Variants in OSBPL5 observed in about 807,000 individuals in gnomAD.
OSBPL5 encodes oxysterol binding protein like 5, also known as oxysterol-binding protein-related protein 5.
OSBPL5 carries 71 observed loss-of-function variants against 111.2 expected under a neutral mutation model. The ratio of observed to expected loss-of-function variants is 0.64; its 90% confidence interval spans 0.53 to 0.78. The LOEUF is 0.78. Among genes scored for constraint, OSBPL5 ranks in the 30% least tolerant of loss-of-function variants. OSBPL5 has a pLI of 0.00. For missense variants in OSBPL5, 1,210 were observed against 1,189.3 expected (o/e 1.02, Z -0.26); for synonymous variants, 549 against 513.9 (o/e 1.07, Z -0.93).
Position 3,141,135 on chromosome 11 carries a change from C to T in OSBPL5, c.-21-11966G>A, listed in dbSNP as rs1201291028. Among the ~76,000 whole-genome samples, 1 of 152,162 alleles carries T rather than the reference C, an allele frequency of 6.6e-6. No individual in the cohort carries two copies. On this transcript the variant is annotated intron_variant, in intron 1 of 21. Coordinates refer to ENST00000263650, the MANE Select transcript of OSBPL5 (RefSeq NM_020896.4). This position sits in a 1 kb window ranked among gnomAD's most constrained non-coding sequence, Gnocchi z 6.5. ...CAACGTCAACCCATAAAGCCTCATTCCAGGCAGTTTCGAGTGCTCTGATGC... is the reference window on the plus strand; with the variant it reads ...CAACGTCAACCCATAAAGCCTCATTTCAGGCAGTTTCGAGTGCTCTGATGC...
At position 3,110,155 on chromosome 11, in the gene OSBPL5, C is replaced by T. The variant is rs1320110354; in HGVS notation, c.692-2210G>A. ...GGTGATGTGGCACCGAGACTCCAAC[C>T]TGAGAGGCACCGGAGCCCCGTGGTC... is the stretch of plus-strand genomic sequence containing the variant. On this transcript the variant is annotated intron_variant, in intron 7 of 21. Transcript: ENST00000263650. The surrounding 1 kb of genome is among the most constrained non-coding windows in gnomAD (Gnocchi z 5.3). 6.6e-6 allele frequency among the ~76,000 whole-genome samples: 1 copy of T among 152,210 alleles called. No individual in the cohort carries two copies. The highest frequency in any genetic ancestry group is 2.4e-5 in the African/African-American group (1 of 41,450).
chr11:3,089,776 G>A (rs562485700), intron 21 of OSBPL5, 70 bp downstream of exon 21: 60 of 1,429,892 alleles, frequency 4.2e-5, no homozygotes, highest in Admixed American at 2.0e-4. Flanking sequence ...CCCACCTCCC[G>A]CCCTAGCTCT....
Position 3,103,131 on chromosome 11 carries a change from T to G in OSBPL5, c.1326+108A>C, listed in dbSNP as rs562182249. ...GGGTGACCAGGATCCTTCTAAGCCA[T>G]GTGGGGTAGGGGGTGGCCCGGGGAC... is the stretch of plus-strand genomic sequence containing the variant. On this transcript the variant is annotated intron_variant, in intron 11 of 21. Transcript: ENST00000263650. 3.0e-4 allele frequency: 279 copies of G among 941,794 alleles called. 2 individuals are homozygous for G. The South Asian group carries it at 4.6e-3, about 16-fold the overall frequency. The allele number at this position is 941,794 out of a possible 1,614,324, so 58.3% of individuals were successfully genotyped here. A position where few individuals can be genotyped will look rare whatever the true frequency, so the allele number is the denominator to read the frequency against.
At chr11:3,112,981 G>A (rs1858059553) in intron 7 of OSBPL5, among the ~76,000 whole-genome samples, 1 of 152,162 alleles carries the variant, frequency 6.6e-6, no homozygotes, top group Admixed American at 6.5e-5. Flanking sequence ...ATAAACCTAT[G>A]AGATGTACTT....
intron 1 of OSBPL5, among the ~76,000 whole-genome samples, chr11:3,131,887 A>ATCCATCCATCCACCCAT (rs1845815456): frequency 8.0e-6 from 1 of 124,804 alleles, no homozygotes; most frequent in African/African-American, 3.0e-5. Context: ...CCACCCATCC[A>ATCCATCCATCCACCCAT]CCCACCCTCC....
chr11:3,100,971 C>CTTTTTTT (rs1196891233), intron 13 of OSBPL5, among the ~76,000 whole-genome samples: 2 of 123,436 alleles, frequency 1.6e-5, no homozygotes, highest in Non-Finnish European at 3.4e-5. Flanking sequence ...AGTTTCATTT[C>CTTTTTTT]TTTTTTTTTT....
intron 19 of OSBPL5, among the ~76,000 whole-genome samples, chr11:3,091,530 G>A (rs1178146878): frequency 6.6e-6 from 1 of 152,254 alleles, no homozygotes; most frequent in East Asian, 1.9e-4. Flanking sequence ...CATTGGGGGT[G>A]GACATCTGCT....
chr11:3,118,570 A>ATTTTT (rs143316664), intron 7 of OSBPL5, among the ~76,000 whole-genome samples: 1 of 124,140 alleles, frequency 8.1e-6, no homozygotes, highest in African/African-American at 3.1e-5. Context: ...AAAATAAACT[A>ATTTTT]TTTTTTTTTT....
At chr11:3,100,628 T>A (rs1857419986) in intron 13 of OSBPL5, among the ~76,000 whole-genome samples, 1 of 152,086 alleles carries the variant, frequency 6.6e-6, no homozygotes, top group Non-Finnish European at 1.5e-5. Flanking sequence ...GAGTCGCAGG[T>A]ACTGCTGGTG....
At chr11:3,089,707 C>T (rs1431688972) in intron 21 of OSBPL5, 139 bp downstream of exon 21, 2 of 742,330 alleles carry the variant, frequency 2.7e-6, no homozygotes, top group Non-Finnish European at 4.6e-6. Flanking sequence ...CTTTCATCAC[C>T]CTGCAGGTCT....
Position 3,104,261 on chromosome 11 carries a change from G to C in OSBPL5, c.1176C>G (p.Phe392Leu), listed in dbSNP as rs763806853. 6.2e-6 allele frequency: 10 copies of C among 1,613,624 alleles called. No homozygotes were observed. In the Admixed American group the frequency reaches 1.2e-4, roughly 19 times the overall value. Residue 392 changes from phenylalanine (F) to leucine (L), a missense_variant, in exon 10 of 22, where the codon TTC becomes TTG. Coordinates refer to ENST00000263650, the MANE Select transcript of OSBPL5 (RefSeq NM_020896.4). The surrounding 1 kb of genome is among the most constrained non-coding windows in gnomAD (Gnocchi z 5.0). ...TCAGGAAGGAGCGCGGCTCCAGTACGAACGTGGGTAGCACCACGCGGGACA... is the reference window on the plus strand; with the variant it reads ...TCAGGAAGGAGCGCGGCTCCAGTACCAACGTGGGTAGCACCACGCGGGACA... ...MDLSRVVLPT[F>L]VLEPRSFLNK...
At position 3,105,148 on chromosome 11, in the gene OSBPL5, G is replaced by A. The variant is rs1857649998; in HGVS notation, c.1060-771C>T. Among the ~76,000 whole-genome samples, 2 of 152,300 alleles carry A rather than the reference G, an allele frequency of 1.3e-5. No individual in the cohort carries two copies. The highest frequency in any genetic ancestry group is 4.8e-5 in the African/African-American group (2 of 41,552). On this transcript the variant is annotated intron_variant, in intron 9 of 21. Transcript: ENST00000263650. This position sits in a 1 kb window ranked among gnomAD's most constrained non-coding sequence, Gnocchi z 5.2. Reference sequence around the variant, plus strand: ...CCCTGGTCCTCCCCCTCCACAGAGGGGACAAGTGACTTGTCCAAGGTCACA... The same window carrying A: ...CCCTGGTCCTCCCCCTCCACAGAGGAGACAAGTGACTTGTCCAAGGTCACA...
chr11:3,164,938 C>G (rs1351631579), intron 1 of OSBPL5, among the ~76,000 whole-genome samples: 1 of 151,520 alleles, frequency 6.6e-6, no homozygotes, highest in Non-Finnish European at 1.5e-5. Flanking sequence ...GCGGGCCCCA[C>G]CCGCCCCAAC....
At chr11:3,158,100 C>T (rs1388992965) in intron 1 of OSBPL5, among the ~76,000 whole-genome samples, 2 of 152,236 alleles carry the variant, frequency 1.3e-5, no homozygotes, top group South Asian at 2.1e-4. Flanking sequence ...GGTTTCCAGA[C>T]GGGGCCCACA....
In OSBPL5 at chr11:3,126,509, C is replaced by T. The variant is rs777259080; in HGVS notation, c.183G>A (p.Gly61=). The stretch of plus-strand genomic sequence containing the variant: ...TCGTGGCAGAGCTTGGGGTCGGGGG[C>T]CCTTCATCCCTGGGCAGCGACGGGC... The part of the protein sequence containing the change: ...PNGPSLPRDE[G]PPTPSSATKV... The change falls in exon 3 of 22, where the codon GGG becomes GGA. Residue 61 remains glycine, a synonymous_variant. Coordinates refer to ENST00000263650, the MANE Select transcript of OSBPL5 (RefSeq NM_020896.4). The surrounding 1 kb of genome is among the most constrained non-coding windows in gnomAD (Gnocchi z 6.5). The T allele has an allele frequency of 1.2e-6, 2 of 1,609,868 alleles. No individual in the cohort carries two copies. Among genetic ancestry groups the T allele is most frequent in the Admixed American group, 3.3e-5 (2 of 59,764 alleles).
intron 1 of OSBPL5, among the ~76,000 whole-genome samples, chr11:3,135,706 C>T (rs996737980): frequency 2.0e-5 from 3 of 152,246 alleles, no homozygotes; most frequent in Admixed American, 1.3e-4. Context: ...GACACCGCCC[C>T]GTGGTGGCAG....
intron 1 of OSBPL5, among the ~76,000 whole-genome samples, chr11:3,153,071 A>T (rs1467479665): frequency 6.6e-6 from 1 of 152,052 alleles, no homozygotes; most frequent in African/African-American, 2.4e-5. Context: ...CACAGAGTGC[A>T]ACATCCCCCA....
chr11:3,121,495 G>A lies in OSBPL5; in HGVS notation c.402+502C>T, dbSNP rs749497215. ...TGGGCCTGGGCTCTGCAGACACCAG[G>A]GCTGGGCACACTTATCTGGTATGCG... On this transcript the variant is annotated intron_variant, in intron 5 of 21. Coordinates refer to ENST00000263650, the MANE Select transcript of OSBPL5 (RefSeq NM_020896.4). This position sits in a 1 kb window ranked among gnomAD's most constrained non-coding sequence, Gnocchi z 4.3. 1.3e-5 allele frequency among the ~76,000 whole-genome samples: 2 copies of A among 152,154 alleles called. No homozygotes were observed. Among genetic ancestry groups the A allele is most frequent in the East Asian group, 3.9e-4 (2 of 5,180 alleles).
chr11:3,153,970 G>A (rs763651123), intron 1 of OSBPL5, among the ~76,000 whole-genome samples: 126 of 152,228 alleles, frequency 8.3e-4, no homozygotes, highest in Non-Finnish European at 1.0e-3. Context: ...CGGGGTTACC[G>A]GCTCCCCAAC....
Sources: gnomAD v4.1 joint callset for allele counts (sites outside exome capture counted in the v4.1 genomes callset) on GRCh38, gnomAD v4.1.1 for gene constraint, Gnocchi (gnomAD v3.1) non-coding constraint, MANE v1.5 for transcripts, NCBI Gene and HGNC (gene_info 2026-07-23, HGNC 2026-07-21) for gene names.